DIP2C: variants seen among roughly 807,000 people sequenced by gnomAD.
DIP2C encodes DIP2 acetate--CoA ligase C (putative).
A neutral mutation model predicts 192.4 loss-of-function variants in DIP2C; 33 were observed. The observed-to-expected ratio is 0.17, with a 90% CI of 0.13 to 0.23. The LOEUF (loss-of-function observed/expected upper bound fraction) is 0.23. Ranked by LOEUF, DIP2C falls within the 10% of genes least tolerant of loss-of-function variation. The pLI is 1.00. For synonymous variants in DIP2C, 979 were observed against 864.1 expected (o/e 1.13, Z -2.33); for missense variants, 1,537 against 2,110.1 (o/e 0.73, Z 5.32).
chr10:413,806 C>T (rs1965347317), intron 8 of DIP2C, 107 bp downstream of exon 8: 1 of 1,404,372 alleles, frequency 7.1e-7, no homozygotes, highest in Non-Finnish European at 9.7e-7. Context: ...GAGGGTTAGC[C>T]TCGGGATTAC....
At chr10:658,728 T>C (rs537166316) in intron 1 of DIP2C, among the ~76,000 whole-genome samples, 3 of 152,242 alleles carry the variant, frequency 2.0e-5, no homozygotes, top group Non-Finnish European at 4.4e-5. Context: ...AACATGACTT[T>C]TAATGCAATA....
chr10:498,328 A>T (rs945560195), intron 1 of DIP2C, among the ~76,000 whole-genome samples: 2 of 152,220 alleles, frequency 1.3e-5, no homozygotes, highest in African/African-American at 4.8e-5. Context: ...CCAGGGAATG[A>T]CTGGGCTCTA....
chr10:491,529 C>T (rs1464115088), intron 1 of DIP2C, among the ~76,000 whole-genome samples: 1 of 152,148 alleles, frequency 6.6e-6, no homozygotes. Flanking sequence ...GTGTACCCCT[C>T]GCCTGCACTG....
Position 486,366 on chromosome 10 carries a change from G to A in DIP2C, c.157+93C>T, listed in dbSNP as rs890712800. On this transcript the variant is annotated intron_variant, in intron 2 of 36. Coordinates refer to ENST00000280886, the MANE Select transcript of DIP2C (RefSeq NM_014974.3). ...GCCAGACGCCTCCTCCTGCCGACTG[G>A]GAAGCAAGGGAGCGTCTGCCTCCAG... 1.8e-5 allele frequency: 23 copies of A among 1,257,600 alleles called. No individual in the cohort carries two copies. The African/African-American group carries it at 2.6e-4, about 14-fold the overall frequency. 77.9% of individuals were successfully genotyped at this position (1,257,600 alleles called of 1,614,324 possible).
At chr10:601,339 AACC>A (rs1382986846) in intron 1 of DIP2C, among the ~76,000 whole-genome samples, 2 of 128,756 alleles carry the variant, frequency 1.6e-5, no homozygotes, top group African/African-American at 2.7e-5. Context: ...ATGCTTCAAA[AACC>A]ACCATTCCCA....
intron 1 of DIP2C, among the ~76,000 whole-genome samples, chr10:658,175 C>T (rs1856516021): frequency 2.0e-5 from 3 of 149,064 alleles, no homozygotes; most frequent in Non-Finnish European, 4.5e-5. Flanking sequence ...CTGGACCTGT[C>T]CCTGGACCTC....
At chr10:664,759 T>G (rs1314167057) in intron 1 of DIP2C, 2 of 152,196 alleles carry the variant, frequency 1.3e-5, no homozygotes, top group African/African-American at 4.8e-5. Context: ...GTATCAAGCA[T>G]TTTAAAATGA....
rs1849337918 is a variant in DIP2C at position 563,942 on chromosome 10, C to CGAT, written c.86-77415_86-77413dup. On this transcript the variant is annotated intron_variant, in intron 1 of 36. Coordinates refer to ENST00000280886, the MANE Select transcript of DIP2C (RefSeq NM_014974.3). The stretch of plus-strand genomic sequence containing the variant: ...TGCTGAGGTCGCTCATTCAGGGAAT[C>CGAT]GATGCTGAATTTGAAGAAACTGAAG... Among the ~76,000 whole-genome samples the CGAT allele has an allele frequency of 3.3e-5, 5 of 152,260 alleles. No homozygotes were observed. In the South Asian group the frequency reaches 1.0e-3, roughly 32 times the overall value.
chr10:437,363 T>A (rs1037935694), intron 4 of DIP2C, among the ~76,000 whole-genome samples: 2 of 149,684 alleles, frequency 1.3e-5, no homozygotes, highest in Admixed American at 6.6e-5. Context: ...CACCCACACC[T>A]GAGCTCTGAG....
intron 1 of DIP2C, among the ~76,000 whole-genome samples, chr10:672,185 A>C (rs565050279): frequency 3.3e-5 from 5 of 151,966 alleles, no homozygotes; most frequent in Non-Finnish European, 7.4e-5. Flanking sequence ...GAAACACCAC[A>C]GACACACGGA....
chr10:585,996 C>T (rs572744711), intron 1 of DIP2C, among the ~76,000 whole-genome samples: 3 of 152,256 alleles, frequency 2.0e-5, no homozygotes, highest in South Asian at 2.1e-4. Context: ...AGTGTCTCAA[C>T]GGGCCTCAAG....
At chr10:660,824 AAACAT>A (rs1162121496) in intron 1 of DIP2C, among the ~76,000 whole-genome samples, 4 of 152,218 alleles carry the variant, frequency 2.6e-5, no homozygotes, top group Admixed American at 2.0e-4. Flanking sequence ...TGAGGTGTCA[AAACAT>A]AACCCATGAA....
chr10:663,998 AGGAAAAAACAAAGACG>A (rs1350156095), intron 1 of DIP2C: 3 of 134,108 alleles, frequency 2.2e-5, no homozygotes, highest in Admixed American at 7.1e-5. Flanking sequence ...TCCTCCCAGG[AGGAAAAAACAAAGACG>A]GGAAAAAACA....
chr10:622,614 C>T (rs1449779131), intron 1 of DIP2C, among the ~76,000 whole-genome samples: 1 of 152,116 alleles, frequency 6.6e-6, no homozygotes, highest in Non-Finnish European at 1.5e-5. Context: ...CCATGCCTTG[C>T]CCTTTCGCCG....
chr10:369,945 C>CA, intron 17 of DIP2C: 3 of 985,358 alleles, frequency 3.0e-6, no homozygotes, highest in Non-Finnish European at 3.6e-6. Context: ...CCCCTCCCTC[C>CA]AGGCCCTGCA....
At chr10:467,898 C>T (rs958508005) in intron 3 of DIP2C, among the ~76,000 whole-genome samples, 2 of 152,098 alleles carry the variant, frequency 1.3e-5, no homozygotes, top group Non-Finnish European at 2.9e-5. Context: ...CACATGTATA[C>T]GTATGTAACA....
chr10:481,721 A>T (rs185437381), intron 2 of DIP2C, among the ~76,000 whole-genome samples: 2 of 152,298 alleles, frequency 1.3e-5, no homozygotes, highest in East Asian at 3.9e-4. Flanking sequence ...CTTCACGTGG[A>T]TCTGAGCATC....
In DIP2C at chr10:417,725, T is replaced by TCCACCTACAC. The variant is rs1337738565; in HGVS notation, c.739+1339_739+1340insGTGTAGGTGG. On this transcript the variant is annotated intron_variant, in intron 6 of 36. Coordinates refer to ENST00000280886, the MANE Select transcript of DIP2C (RefSeq NM_014974.3). ...CTGTCGGCTCAAATAGGCCTCCCTG[T>TCCACCTACAC]CTGCCTGCGCCTGTCAGGGCTCGGA... is the stretch of plus-strand genomic sequence containing the variant. 1.4e-5 allele frequency among the ~76,000 whole-genome samples: 2 copies of TCCACCTACAC among 138,306 alleles called. 1 individual carries two copies. Among genetic ancestry groups the TCCACCTACAC allele is most frequent in the Non-Finnish European group, 3.1e-5 (2 of 64,106 alleles). 90.7% of individuals were successfully genotyped at this position (138,306 alleles called of 152,430 possible). A position where few individuals can be genotyped will look rare whatever the true frequency, so the allele number is the denominator to read the frequency against.
intron 31 of DIP2C, among the ~76,000 whole-genome samples, chr10:311,379 C>T (rs988220823): frequency 8.5e-5 from 13 of 152,264 alleles, no homozygotes; most frequent in Admixed American, 5.9e-4. Flanking sequence ...GAGGCCTGAA[C>T]GTGACATTGC....
Sources: gnomAD v4.1 joint callset for allele counts (sites outside exome capture counted in the v4.1 genomes callset) on GRCh38, gnomAD v4.1.1 for gene constraint, MANE v1.5 for transcripts, NCBI Gene and HGNC (gene_info 2026-07-23, HGNC 2026-07-21) for gene names.